Variants in CMIP observed in about 807,000 individuals in gnomAD.
The protein encoded by CMIP is C-Maf-inducing protein.
Under a neutral mutation model 97.3 loss-of-function variants are expected in CMIP, and 13 were observed. The ratio of observed to expected loss-of-function variants is 0.13; its 90% CI spans 0.09 to 0.21. CMIP has a LOEUF of 0.21. CMIP is among the 10% of genes least tolerant of loss of function. The pLI is 1.00. For missense variants in CMIP, 847 were observed against 1,024.9 expected (o/e 0.83, Z 2.37); for synonymous variants, 538 against 436.3 (o/e 1.23, Z -2.91).
At position 81,711,609 on chromosome 16, in the gene CMIP, AT is replaced by A. The variant is rs1897076094; in HGVS notation, c.*1811del. On this transcript the variant is annotated 3_prime_UTR_variant, in exon 21 of 21. Coordinates refer to ENST00000537098, the MANE Select transcript of CMIP (RefSeq NM_198390.3). ...AAAAAAATAAATAAAAATAAAAAAAATAAAAAAGGAAAAAAAAAAAAGAAGA... is the reference window on the plus strand; with the variant it reads ...AAAAAAATAAATAAAAATAAAAAAAAAAAAAAGGAAAAAAAAAAAAGAAGA... 1 of 53,184 alleles carries A rather than the reference AT, an allele frequency of 1.9e-5. No individual in the cohort carries two copies. Among genetic ancestry groups the A allele is most frequent in the Non-Finnish European group, 4.3e-5 (1 of 23,250 alleles). The allele number at this position is 53,184 out of a possible 1,614,324, so 3.3% of individuals were successfully genotyped here.
intron 1 of CMIP, among the ~76,000 whole-genome samples, chr16:81,579,903 C>G (rs909851965): frequency 6.6e-6 from 1 of 152,180 alleles, no homozygotes; most frequent in Non-Finnish European, 1.5e-5. Context: ...TTGCAGTGAG[C>G]CGAGATCGCA....
At chr16:81,549,799 C>T (rs1225710490) in intron 1 of CMIP, among the ~76,000 whole-genome samples, 1 of 152,202 alleles carries the variant, frequency 6.6e-6, no homozygotes, top group African/African-American at 2.4e-5. Flanking sequence ...AAGGCAACTG[C>T]GCGTTCTCTT....
At chr16:81,608,278 G>C (rs1430792287) in intron 2 of CMIP, among the ~76,000 whole-genome samples, 1 of 152,170 alleles carries the variant, frequency 6.6e-6, no homozygotes, top group Non-Finnish European at 1.5e-5. Flanking sequence ...AACTATTAAA[G>C]TAACTGGGAA....
intron 1 of CMIP, among the ~76,000 whole-genome samples, chr16:81,575,035 G>A (rs1228170637): frequency 6.6e-6 from 1 of 152,228 alleles, no homozygotes. Flanking sequence ...GGACACAGGT[G>A]TGCCCTGCTG....
At chr16:81,665,851 C>G (rs2092597535) in intron 7 of CMIP, 1 of 152,270 alleles carries the variant, frequency 6.6e-6, no homozygotes, top group Non-Finnish European at 1.5e-5. Context: ...CAGCATCACA[C>G]TCTTTCCCCT....
rs2091916646 is a variant in CMIP, at chr16:81,616,246, G to T, written c.427-4630G>T. ...CCTCCTCTCCCAATCCTGTGGGTGG[G>T]ACATAAATACCCAGCCAGCCTCAGG... On this transcript the variant is annotated intron_variant, in intron 2 of 20. Coordinates refer to ENST00000537098, the MANE Select transcript of CMIP (RefSeq NM_198390.3). This position sits in a 1 kb window ranked among gnomAD's most constrained non-coding sequence, Gnocchi z 4.7. Among the ~76,000 whole-genome samples, 1 of 151,806 alleles carries T rather than the reference G, an allele frequency of 6.6e-6. No individual in the cohort carries two copies. Among genetic ancestry groups the T allele is most frequent in the African/African-American group, 2.4e-5 (1 of 41,300 alleles).
intron 1 of CMIP, among the ~76,000 whole-genome samples, chr16:81,523,413 T>A (rs566643551): frequency 1.3e-4 from 20 of 152,136 alleles, no homozygotes; most frequent in Non-Finnish European, 2.8e-4. Context: ...TCACCCCCTG[T>A]CACACAGAAG....
intron 1 of CMIP, among the ~76,000 whole-genome samples, chr16:81,471,011 CAT>C (rs201516076): frequency 0.019 from 2,841 of 152,160 alleles, 82 homozygotes; most frequent in Admixed American, 0.089. Context: ...CACAGGCACA[CAT>C]GTGCGCACAA....
At chr16:81,569,936 G>T (rs527614338) in intron 1 of CMIP, among the ~76,000 whole-genome samples, 1 of 142,702 alleles carries the variant, frequency 7.0e-6, no homozygotes, top group African/African-American at 2.5e-5. Context: ...CGTTATGAGT[G>T]CACTTAACTT....
chr16:81,467,395 C>T (rs1418890262), intron 1 of CMIP, among the ~76,000 whole-genome samples: 1 of 152,182 alleles, frequency 6.6e-6, no homozygotes, highest in Non-Finnish European at 1.5e-5. Context: ...CTCTCCCCCT[C>T]TGTGAGGCTC....
intron 1 of CMIP, among the ~76,000 whole-genome samples, chr16:81,577,478 ATAT>A (rs1221545521): frequency 2.2e-5 from 2 of 90,942 alleles, no homozygotes; most frequent in Admixed American, 1.1e-4. Flanking sequence ...CATTACCACT[ATAT>A]TATTATCACT....
intron 17 of CMIP, 146 bp from the exon 18 acceptor site, chr16:81,703,793 C>T: frequency 9.0e-7 from 1 of 1,117,092 alleles, no homozygotes; most frequent in Non-Finnish European, 1.2e-6. Context: ...CCGAGCTGTG[C>T]CCCCATCTCA....
chr16:81,454,821 G>A (rs1378479292), intron 1 of CMIP, among the ~76,000 whole-genome samples: 2 of 152,188 alleles, frequency 1.3e-5, no homozygotes, highest in Non-Finnish European at 2.9e-5. Flanking sequence ...TGGGGGTGGG[G>A]AGTTTCAGGA....
At chr16:81,509,903 T>A (rs1419667769) in intron 1 of CMIP, among the ~76,000 whole-genome samples, 1 of 152,178 alleles carries the variant, frequency 6.6e-6, no homozygotes, top group Admixed American at 6.5e-5. Flanking sequence ...GATGCAGTGA[T>A]TGGCTGGGGG....
At chr16:81,542,584 G>C (rs1460458579) in intron 1 of CMIP, among the ~76,000 whole-genome samples, 2 of 152,084 alleles carry the variant, frequency 1.3e-5, no homozygotes, top group African/African-American at 4.8e-5. Context: ...CCATAGACTG[G>C]GTGGCTTAAA....
chr16:81,594,770 C>A (rs1363993459), intron 1 of CMIP, among the ~76,000 whole-genome samples: 1 of 150,094 alleles, frequency 6.7e-6, no homozygotes, highest in Non-Finnish European at 1.5e-5. Context: ...CCTGTCACCA[C>A]GCCCAGCTAA....
At chr16:81,455,822 G>A (rs1423906469) in intron 1 of CMIP, among the ~76,000 whole-genome samples, 1 of 152,162 alleles carries the variant, frequency 6.6e-6, no homozygotes, top group Non-Finnish European at 1.5e-5. Context: ...CCCCTTTCTT[G>A]AACCTTCCCT....
At chr16:81,452,890 T>G (rs77889798) in intron 1 of CMIP, among the ~76,000 whole-genome samples, 20,441 of 99,082 alleles carry the variant, frequency 0.21, 1,135 homozygotes, top group African/African-American at 0.29. Context: ...GTTTTGTTTT[T>G]TTTTTTTTTT....
intron 20 of CMIP, among the ~76,000 whole-genome samples, chr16:81,708,731 C>T (rs533664881): frequency 2.6e-5 from 4 of 152,178 alleles, no homozygotes; most frequent in South Asian, 4.1e-4. Context: ...AATCTAGATT[C>T]GTCTGTGAAG....
Sources: gnomAD v4.1 joint callset for allele counts (sites outside exome capture counted in the v4.1 genomes callset) on GRCh38, gnomAD v4.1.1 for gene constraint, Gnocchi (gnomAD v3.1) non-coding constraint, MANE v1.5 for transcripts, NCBI Gene and HGNC (gene_info 2026-07-23, HGNC 2026-07-21) for gene names.